The following GRID2 variants were observed in gnomAD, a reference collection of about 807,000 sequenced individuals.
GRID2 encodes the protein glutamate receptor ionotropic, delta-2.
In GRID2, 33 loss-of-function variants were observed where a neutral mutation model predicts 114.8. The ratio of observed to expected loss-of-function variants is 0.29; its 90% CI spans 0.22 to 0.38. The LOEUF (loss-of-function observed/expected upper bound fraction) is 0.38. Among genes scored for constraint, GRID2 ranks in the 10% least tolerant of loss-of-function variants. GRID2 has a pLI of 1.00. For synonymous variants in GRID2, 505 were observed against 449.9 expected (o/e 1.12, Z -1.55); for missense variants, 1,184 against 1,257.7 (o/e 0.94, Z 0.89).
chr4:93,017,186 G>T (rs1038763964), intron 2 of GRID2, among the ~76,000 whole-genome samples: 1 of 152,090 alleles, frequency 6.6e-6, no homozygotes, highest in Non-Finnish European at 1.5e-5. Context: ...GCAAAACCAA[G>T]AATAGGAATG....
At chr4:93,632,997 C>T (rs926327264) in intron 14 of GRID2, among the ~76,000 whole-genome samples, 2 of 152,108 alleles carry the variant, frequency 1.3e-5, no homozygotes, top group African/African-American at 2.4e-5. Context: ...TGGGAGTTCA[C>T]TCATGATTTG....
At chr4:92,930,682 A>C (rs1368341927) in intron 2 of GRID2, among the ~76,000 whole-genome samples, 1 of 150,602 alleles carries the variant, frequency 6.6e-6, no homozygotes, top group African/African-American at 2.4e-5. Context: ...GAAATTAGCA[A>C]ATTAAAATAA....
intron 7 of GRID2, among the ~76,000 whole-genome samples, chr4:93,237,546 T>A (rs1746940354): frequency 6.6e-6 from 1 of 151,934 alleles, no homozygotes; most frequent in African/African-American, 2.4e-5. Flanking sequence ...GTTTTCTAAA[T>A]AAATGTCATT....
At chr4:93,527,395 T>C (rs1373323239) in intron 13 of GRID2, among the ~76,000 whole-genome samples, 3 of 152,180 alleles carry the variant, frequency 2.0e-5, no homozygotes, top group Non-Finnish European at 4.4e-5. Context: ...TTTGAATGTC[T>C]TGATAGTGTT....
intron 1 of GRID2, among the ~76,000 whole-genome samples, chr4:92,582,103 C>T (rs1278863934): frequency 6.6e-6 from 1 of 151,970 alleles, no homozygotes; most frequent in Admixed American, 6.6e-5. Context: ...AATAACGAGC[C>T]AGATAGTTTC....
chr4:93,809,243 G>A (rs530597180), exon 2 of GRID2: 1 of 152,096 alleles, frequency 6.6e-6, no homozygotes, highest in Non-Finnish European at 1.5e-5. Context: ...ATTTCATATG[G>A]ATTCTGATTG....
intron 1 of GRID2, among the ~76,000 whole-genome samples, chr4:92,555,623 G>T (rs1442365115): frequency 2.0e-5 from 3 of 152,080 alleles, no homozygotes; most frequent in Non-Finnish European, 4.4e-5. Flanking sequence ...TTGCATTTTG[G>T]CATGTTCTCG....
intron 11 of GRID2, among the ~76,000 whole-genome samples, chr4:93,473,799 G>A (rs1423486178): frequency 6.6e-6 from 1 of 152,172 alleles, no homozygotes; most frequent in South Asian, 2.1e-4. Context: ...TTGAATAGCA[G>A]CTTGAATTTT....
Position 92,934,954 on chromosome 4 carries a change from T to A in GRID2, c.245-150041T>A, listed in dbSNP as rs1180587653. Among the ~76,000 whole-genome samples, 24 of 146,148 alleles carry A rather than the reference T, an allele frequency of 1.6e-4. 1 individual carries two copies. The highest frequency in any genetic ancestry group is 4.6e-4 in the African/African-American group (19 of 41,066). ...AAAACCCTAGAAGAAAACCTAGGCA[T>A]TACCATTCAGGACATAGGCATGGGC... On this transcript the variant is annotated intron_variant, in intron 2 of 15. Transcript: ENST00000282020.
chr4:92,867,486 G>A (rs1048963140), intron 2 of GRID2, among the ~76,000 whole-genome samples: 1 of 151,966 alleles, frequency 6.6e-6, no homozygotes, highest in African/African-American at 2.4e-5. Context: ...GAATGCTAAT[G>A]CTAATTTAGC....
intron 1 of GRID2, among the ~76,000 whole-genome samples, chr4:92,462,422 ATT>A (rs983488374): frequency 1.3e-5 from 2 of 151,552 alleles, no homozygotes; most frequent in Admixed American, 6.6e-5. Flanking sequence ...TATAAACAGG[ATT>A]TTTTTTTGTG....
chr4:92,585,524 A>G (rs964880373), intron 1 of GRID2, among the ~76,000 whole-genome samples: 4 of 152,006 alleles, frequency 2.6e-5, no homozygotes, highest in Non-Finnish European at 4.4e-5. Context: ...GATTTGCAAG[A>G]GGAATGTAGA....
At chr4:93,729,649 G>A (rs763421991) in intron 14 of GRID2, among the ~76,000 whole-genome samples, 22 of 151,670 alleles carry the variant, frequency 1.5e-4, no homozygotes, top group Non-Finnish European at 2.2e-4. Context: ...AGGTTCAAGC[G>A]ATTCTCCTCC....
chr4:93,679,739 G>A (rs1428670268), intron 14 of GRID2, among the ~76,000 whole-genome samples: 2 of 150,850 alleles, frequency 1.3e-5, no homozygotes, highest in African/African-American at 2.5e-5. Context: ...CGAGAACAAA[G>A]ACACAACATA....
At chr4:93,134,481 G>A (rs1735063567) in intron 4 of GRID2, among the ~76,000 whole-genome samples, 1 of 152,006 alleles carries the variant, frequency 6.6e-6, no homozygotes. Context: ...AATTCACTAA[G>A]GTAATAACTA....
At chr4:93,352,078 A>T (rs1760858213) in intron 8 of GRID2, among the ~76,000 whole-genome samples, 1 of 152,068 alleles carries the variant, frequency 6.6e-6, no homozygotes, top group Non-Finnish European at 1.5e-5. Flanking sequence ...ATCTAAGCCC[A>T]TATTGCTGAC....
chr4:92,530,508 G>GAAA (rs70942906), intron 1 of GRID2, among the ~76,000 whole-genome samples: 1,651 of 107,112 alleles, frequency 0.015, 31 homozygotes, highest in African/African-American at 0.047. Flanking sequence ...GACTAGTACA[G>GAAA]AAAAAAAAAA....
chr4:93,140,357 A>G (rs1176804480), intron 4 of GRID2, among the ~76,000 whole-genome samples: 4 of 151,776 alleles, frequency 2.6e-5, no homozygotes, highest in East Asian at 1.9e-4. Flanking sequence ...ACGGGGTTTC[A>G]CCGTGTTAGC....
chr4:93,380,473 A>G lies in GRID2; in HGVS notation c.1246-15134A>G, dbSNP rs987185559. Among the ~76,000 whole-genome samples, 3 of 150,854 alleles carry G rather than the reference A, an allele frequency of 2.0e-5. No individual in the cohort carries two copies. In the Admixed American group the frequency reaches 2.0e-4, roughly 10 times the overall value. Reference sequence around the variant, plus strand: ...TGGCAGCCATTGAAAGCAAGTCGTGATCTAGTTTGCCTTATTTTCCAAAGC... The same window carrying G: ...TGGCAGCCATTGAAAGCAAGTCGTGGTCTAGTTTGCCTTATTTTCCAAAGC... On this transcript the variant is annotated intron_variant, in intron 8 of 15. Coordinates refer to ENST00000282020, the MANE Select transcript of GRID2 (RefSeq NM_001510.4).
Sources: gnomAD v4.1 joint callset for allele counts (sites outside exome capture counted in the v4.1 genomes callset) on GRCh38, gnomAD v4.1.1 for gene constraint, MANE v1.5 for transcripts, NCBI Gene and HGNC (gene_info 2026-07-23, HGNC 2026-07-21) for gene names.